The following PLEKHH1 variants were observed in gnomAD, a reference collection of about 807,000 sequenced individuals.
PLEKHH1 encodes the protein pleckstrin homology domain-containing family H member 1.
In PLEKHH1, 104 loss-of-function variants were observed where a neutral mutation model predicts 160.0. The observed-to-expected ratio is 0.65, with a 90% confidence interval of 0.55 to 0.76. The LOEUF (loss-of-function observed/expected upper bound fraction) is 0.76. Among genes scored for constraint, PLEKHH1 ranks in the 30% least tolerant of loss-of-function variants. The pLI, the probability that PLEKHH1 is intolerant of heterozygous loss-of-function variation, is 0.00. For missense variants in PLEKHH1, 1,427 were observed against 1,724.1 expected (o/e 0.83, Z 3.05); for synonymous variants, 619 against 678.4 (o/e 0.91, Z 1.36).
rs1209352639 is a variant in PLEKHH1 at position 67,574,421 on chromosome 14, T to C, written c.2088+18T>C. 2.0e-6 allele frequency: 3 copies of C among 1,510,044 alleles called. No individual in the cohort carries two copies. The highest frequency in any genetic ancestry group is 1.4e-5 in the African/African-American group (1 of 71,950). 93.5% of individuals were successfully genotyped at this position (1,510,044 alleles called of 1,614,324 possible). A position where few individuals can be genotyped will look rare whatever the true frequency, so the allele number is the denominator to read the frequency against. The stretch of plus-strand genomic sequence containing the variant: ...TGACCAAGGTAGAGGGTGGGGCTGA[T>C]AGGGCAGGAACATGTGCCTCCTGCG... On this transcript the variant is annotated intron_variant, in intron 14 of 28. Transcript: ENST00000329153. This position sits in a 1 kb window ranked among gnomAD's most constrained non-coding sequence, Gnocchi z 4.2.
rs1464091784 is a variant in PLEKHH1, at chr14:67,587,354, A to C, written c.*119A>C. ...GCCCCCGGCTACTCTTGTTCTGTGA[A>C]ATGTGTATTTTAGTCTCTGTGAAGC... On this transcript the variant is annotated 3_prime_UTR_variant, in exon 29 of 29. Coordinates refer to ENST00000329153, the MANE Select transcript of PLEKHH1 (RefSeq NM_020715.3). 1 of 1,169,888 alleles carries C rather than the reference A, an allele frequency of 8.5e-7. No individual in the cohort carries two copies. Among genetic ancestry groups the C allele is most frequent in the African/African-American group, 1.5e-5 (1 of 66,320 alleles). The allele number at this position is 1,169,888 out of a possible 1,614,324, so 72.5% of individuals were successfully genotyped here. A position where few individuals can be genotyped will look rare whatever the true frequency, so the allele number is the denominator to read the frequency against.
At chr14:67,570,109 G>A in intron 9 of PLEKHH1, 97 bp downstream of exon 9, 2 of 882,706 alleles carry the variant, frequency 2.3e-6, no homozygotes, top group Non-Finnish European at 3.7e-6. Context: ...CCAGGCTTCT[G>A]CACATGGTGA....
chr14:67,574,494 T>C lies in PLEKHH1; in HGVS notation c.2088+91T>C. ...GTGCCGAGGGTGGTGGGTTCCCCCT[T>C]ATACGGGGCTCCTTTCTCTGGGAGC... On this transcript the variant is annotated intron_variant, in intron 14 of 28. Coordinates refer to ENST00000329153, the MANE Select transcript of PLEKHH1 (RefSeq NM_020715.3). This position sits in a 1 kb window ranked among gnomAD's most constrained non-coding sequence, Gnocchi z 4.2. The C allele has an allele frequency of 9.6e-7, 1 of 1,041,770 alleles. No homozygotes were observed. Among genetic ancestry groups the C allele is most frequent in the Admixed American group, 3.5e-5 (1 of 28,676 alleles). 64.5% of individuals were successfully genotyped at this position (1,041,770 alleles called of 1,614,324 possible). A position where few individuals can be genotyped will look rare whatever the true frequency, so the allele number is the denominator to read the frequency against.
intron 22 of PLEKHH1, 108 bp from the exon 23 acceptor site, chr14:67,580,830 T>C: frequency 2.8e-6 from 2 of 709,282 alleles, no homozygotes; most frequent in Non-Finnish European, 4.9e-6. Flanking sequence ...GGGAGGACTT[T>C]TCCTTAGTTT....
chr14:67,583,982 C>T lies in PLEKHH1; in HGVS notation c.3570-13C>T. On this transcript the variant is annotated splice_polypyrimidine_tract_variant and intron_variant, in intron 25 of 28. Coordinates refer to ENST00000329153, the MANE Select transcript of PLEKHH1 (RefSeq NM_020715.3). The stretch of plus-strand genomic sequence containing the variant: ...CTTCATTGGCACTATTTCTCTCCAT[C>T]TGCCCACACCAGGCACCTGGCAGAT... The T allele has an allele frequency of 1.9e-6, 3 of 1,614,004 alleles. No homozygotes were observed. The highest frequency in any genetic ancestry group is 2.5e-6 in the Non-Finnish European group (3 of 1,179,856).
chr14:67,571,969 T>G, intron 10 of PLEKHH1, 67 bp downstream of exon 10: 3 of 1,530,388 alleles, frequency 2.0e-6, no homozygotes, highest in Non-Finnish European at 2.7e-6. Flanking sequence ...CCATGGGCAC[T>G]TGAACATGGG....
intron 7 of PLEKHH1, among the ~76,000 whole-genome samples, chr14:67,567,891 G>A (rs1049879239): frequency 4.6e-5 from 7 of 152,332 alleles, no homozygotes; most frequent in African/African-American, 1.7e-4. Flanking sequence ...TAGGCTCAGT[G>A]GAGCAAACAG....
chr14:67,561,554 A>T (rs2034836510), intron 5 of PLEKHH1, among the ~76,000 whole-genome samples: 1 of 152,066 alleles, frequency 6.6e-6, no homozygotes, highest in African/African-American at 2.4e-5. Flanking sequence ...ATAGAGCCAG[A>T]CCTTGTCTCA....
intron 1 of PLEKHH1, among the ~76,000 whole-genome samples, chr14:67,534,259 CA>C (rs1267911275): frequency 2.6e-5 from 4 of 151,982 alleles, no homozygotes; most frequent in Non-Finnish European, 5.9e-5. Flanking sequence ...CCCATTTTTC[CA>C]AAGGAGGAAG....
At chr14:67,552,623 T>C (rs1310644185) in intron 2 of PLEKHH1, among the ~76,000 whole-genome samples, 2 of 150,690 alleles carry the variant, frequency 1.3e-5, no homozygotes, top group Admixed American at 1.3e-4. Flanking sequence ...AAAAATTAGC[T>C]GGGCGTGGTG....
At position 67,582,210 on chromosome 14, in the gene PLEKHH1, G is replaced by A. The variant is rs957838846; in HGVS notation, c.3426G>A (p.Gln1142=). ...LALEMAALMA[Q]VEYGDLEKPA... ...TTGAGATGGCTGCCCTGATGGCCCA[G>A]GTAAGGTTCTGTTCAGGAAGCAGGA... is the stretch of plus-strand genomic sequence containing the variant. Residue 1142 remains glutamine (Q), a splice_region_variant and synonymous_variant, in exon 24 of 29, where the codon CAG becomes CAA. Coordinates refer to ENST00000329153, the MANE Select transcript of PLEKHH1 (RefSeq NM_020715.3). This position sits in a 1 kb window ranked among gnomAD's most constrained non-coding sequence, Gnocchi z 5.0. 1.2e-6 allele frequency: 2 copies of A among 1,613,684 alleles called. No homozygotes were observed. Among genetic ancestry groups the A allele is most frequent in the Non-Finnish European group, 1.7e-6 (2 of 1,179,842 alleles).
chr14:67,552,540 G>A (rs942909964), intron 2 of PLEKHH1, among the ~76,000 whole-genome samples: 6 of 152,182 alleles, frequency 3.9e-5, no homozygotes, highest in Admixed American at 6.5e-5. Context: ...GGCCGAGGTG[G>A]GCGGATCACG....
At chr14:67,561,817 C>A in intron 5 of PLEKHH1, 137 bp from the exon 6 acceptor site, 1 of 678,148 alleles carries the variant, frequency 1.5e-6, no homozygotes, top group East Asian at 2.7e-5. Flanking sequence ...CTGCAGTGAG[C>A]CAAAATTGCT....
intron 8 of PLEKHH1, 110 bp downstream of exon 8, chr14:67,569,326 C>T (rs1344456933): frequency 2.8e-6 from 2 of 709,612 alleles, no homozygotes; most frequent in Non-Finnish European, 2.5e-6. Context: ...GGCTGGCCTA[C>T]CCTGTTCCCC....
intron 22 of PLEKHH1, 52 bp downstream of exon 22, chr14:67,579,928 G>T: frequency 6.6e-7 from 1 of 1,521,690 alleles, no homozygotes; most frequent in African/African-American, 1.4e-5. Context: ...AGGGATATTG[G>T]TGGTGGGGAA....
At chr14:67,567,527 G>A (rs982828521) in intron 7 of PLEKHH1, among the ~76,000 whole-genome samples, 4 of 151,614 alleles carry the variant, frequency 2.6e-5, no homozygotes, top group East Asian at 2.0e-4. Context: ...ACTTGGGCTC[G>A]ATGTATCTGC....
At chr14:67,563,731 CTT>C (rs71129835) in intron 7 of PLEKHH1, among the ~76,000 whole-genome samples, 7,438 of 86,900 alleles carry the variant, frequency 0.086, 239 homozygotes, top group East Asian at 0.15. Flanking sequence ...CTGAGCCTGG[CTT>C]TTTTTTTTTT....
At chr14:67,569,497 G>A (rs3742871) in intron 8 of PLEKHH1, among the ~76,000 whole-genome samples, 1 of 148,716 alleles carries the variant, frequency 6.7e-6, no homozygotes, top group Admixed American at 7.3e-5. Context: ...CACAGGCTTC[G>A]CTTCTGCAGT....
chr14:67,577,293 T>TACAGAACCAGA lies in PLEKHH1; in HGVS notation c.2462-9_2462-8insACAGAACCAGA. The TACAGAACCAGA allele has an allele frequency of 6.4e-7, 1 of 1,551,714 alleles. No homozygotes were observed. Among genetic ancestry groups the TACAGAACCAGA allele is most frequent in the Non-Finnish European group, 8.7e-7 (1 of 1,146,204 alleles). On this transcript the variant is annotated splice_polypyrimidine_tract_variant and intron_variant, in intron 17 of 28. Transcript: ENST00000329153. ...CTGCCCTTGCTCTCTGGTTCCGTGC[T>TACAGAACCAGA]TTGGGCAGATTCGCCGCTCTGGAGG... is the stretch of plus-strand genomic sequence containing the variant.
Sources: gnomAD v4.1 joint callset for allele counts (sites outside exome capture counted in the v4.1 genomes callset) on GRCh38, gnomAD v4.1.1 for gene constraint, Gnocchi (gnomAD v3.1) non-coding constraint, MANE v1.5 for transcripts, NCBI Gene and HGNC (gene_info 2026-07-23, HGNC 2026-07-21) for gene names.